The following FBXO36 variants were observed in gnomAD, a reference collection of about 807,000 sequenced individuals.
The protein encoded by FBXO36 is F-box protein 36.
Under a neutral mutation model 17.0 loss-of-function variants are expected in FBXO36, and 18 were observed. The ratio of observed to expected loss-of-function variants is 1.06; its 90% CI spans 0.73 to 1.57. FBXO36 has a LOEUF of 1.57. FBXO36 is among the 40% of genes most tolerant of loss of function. The probability of loss-of-function intolerance (pLI) is 0.00; values close to 1 mark genes in which losing one functional copy is unlikely to be tolerated. For synonymous variants in FBXO36, 83 were observed against 85.3 expected (o/e 0.97, Z 0.15); for missense variants, 229 against 221.9 (o/e 1.03, Z -0.20).
At chr2:229,962,341 T>G (rs1281322427) in intron 1 of FBXO36, among the ~76,000 whole-genome samples, 1 of 151,602 alleles carries the variant, frequency 6.6e-6, no homozygotes, top group Non-Finnish European at 1.5e-5. Context: ...CTTTTTTTCT[T>G]TTTTTTGAAA....
chr2:229,946,664 G>C (rs1002044838), intron 1 of FBXO36, among the ~76,000 whole-genome samples: 1 of 152,164 alleles, frequency 6.6e-6, no homozygotes, highest in African/African-American at 2.4e-5. Context: ...TGATAGAGGA[G>C]AGACAATTTC....
chr2:229,972,334 A>G (rs1472450639), intron 1 of FBXO36, among the ~76,000 whole-genome samples: 6 of 152,138 alleles, frequency 3.9e-5, no homozygotes, highest in South Asian at 4.1e-4. Flanking sequence ...ACTAGTAATT[A>G]GGAAAATCAA....
chr2:229,938,223 T>G (rs1049428420), intron 1 of FBXO36, among the ~76,000 whole-genome samples: 19 of 137,072 alleles, frequency 1.4e-4, no homozygotes, highest in South Asian at 2.4e-4. Context: ...TTTCTTTTTT[T>G]TTTTTTTTTT....
intron 1 of FBXO36, among the ~76,000 whole-genome samples, chr2:229,952,126 G>A (rs2077060808): frequency 6.6e-6 from 1 of 151,586 alleles, no homozygotes; most frequent in Non-Finnish European, 1.5e-5. Context: ...ATTTTAAATT[G>A]TATGTTTGAA....
chr2:229,987,675 GGCTGGA>G (rs2077276092), intron 2 of FBXO36, among the ~76,000 whole-genome samples: 1 of 151,762 alleles, frequency 6.6e-6, no homozygotes, highest in Admixed American at 6.6e-5. Context: ...CTGTCATCCA[GGCTGGA>G]GTGCAGTGGT....
intron 2 of FBXO36, among the ~76,000 whole-genome samples, chr2:229,978,949 G>A (rs1244671718): frequency 1.3e-5 from 2 of 151,972 alleles, no homozygotes; most frequent in Non-Finnish European, 2.9e-5. Flanking sequence ...GGCCCAGGTG[G>A]GTGGATCACC....
rs576707791 is a variant in FBXO36 at position 229,954,135 on chromosome 2, G to A, written c.97-22106G>A. 3.0e-4 allele frequency among the ~76,000 whole-genome samples: 46 copies of A among 151,768 alleles called. 1 individual carries two copies. The highest frequency in any genetic ancestry group is 1.0e-3 in the African/African-American group (42 of 41,436). ...CACATTGGCCTCTCAAAGTACTGGG[G>A]TTATAGGTGTGAGCTACCACACTCA... is the stretch of plus-strand genomic sequence containing the variant. On this transcript the variant is annotated intron_variant, in intron 1 of 3. Transcript: ENST00000283946.
intron 2 of FBXO36, among the ~76,000 whole-genome samples, chr2:229,982,620 A>T (rs1258899269): frequency 7.9e-5 from 12 of 151,720 alleles, no homozygotes; most frequent in Admixed American, 7.9e-4. Flanking sequence ...CAGCCTGGCC[A>T]ACATGGTGAA....
At chr2:229,941,554 C>T (rs898581399) in intron 1 of FBXO36, among the ~76,000 whole-genome samples, 2 of 150,654 alleles carry the variant, frequency 1.3e-5, no homozygotes, top group African/African-American at 2.4e-5. Flanking sequence ...AGAGGAAGCT[C>T]GAAGTGGCCA....
In FBXO36 at chr2:230,012,921, CTATG is replaced by C. The variant is rs767624925; in HGVS notation, c.*2041_*2044del. ...ACATAAATATGGCAATTTGAAAACA[CTATG>C]TATATACCTACTCACATATATATTA... On this transcript the variant is annotated 3_prime_UTR_variant, in exon 4 of 4. Transcript: ENST00000283946. 3 of 151,148 alleles carry C rather than the reference CTATG, an allele frequency of 2.0e-5. No homozygotes were observed. The highest frequency in any genetic ancestry group is 4.4e-5 in the Non-Finnish European group (3 of 67,784). 9.4% of individuals were successfully genotyped at this position (151,148 alleles called of 1,614,324 possible).
rs1389979186 is a variant in FBXO36 at position 229,988,838 on chromosome 2, T to TG, written c.206-7913_206-7912insG. On this transcript the variant is annotated intron_variant, in intron 2 of 3. Transcript: ENST00000283946. ...CCACCATGCTGGCCTGTTTTTTTTT[T>TG]TTTTTGTTTTTTTTTTTTTACCGCA... 9.4e-5 allele frequency among the ~76,000 whole-genome samples: 14 copies of TG among 149,566 alleles called. No individual in the cohort carries two copies. The East Asian group carries it at 1.6e-3, about 17-fold the overall frequency.
chr2:229,974,306 G>C (rs1010536221), intron 1 of FBXO36, among the ~76,000 whole-genome samples: 2 of 152,224 alleles, frequency 1.3e-5, no homozygotes, highest in Non-Finnish European at 2.9e-5. Flanking sequence ...GTTTCCTTAA[G>C]CAAGTGTTAT....
At chr2:229,976,587 G>T (rs1407232057) in intron 2 of FBXO36, 1 of 318,994 alleles carries the variant, frequency 3.1e-6, no homozygotes. Context: ...TTGGGAGGCC[G>T]AGGCGGGTGG....
At chr2:229,982,850 C>T (rs1282294436) in intron 2 of FBXO36, among the ~76,000 whole-genome samples, 1 of 151,792 alleles carries the variant, frequency 6.6e-6, no homozygotes, top group Admixed American at 6.6e-5. Context: ...GTGTGAGGTC[C>T]CATATTCACA....
intron 1 of FBXO36, among the ~76,000 whole-genome samples, chr2:229,933,356 TCACTC>T (rs772599515): frequency 4.0e-5 from 6 of 151,844 alleles, no homozygotes; most frequent in East Asian, 3.9e-4. Context: ...TCATACCACT[TCACTC>T]CAGCCTGAAC....
At chr2:229,963,874 G>T (rs2077137633) in intron 1 of FBXO36, among the ~76,000 whole-genome samples, 1 of 152,142 alleles carries the variant, frequency 6.6e-6, no homozygotes, top group African/African-American at 2.4e-5. Flanking sequence ...CATACATTTT[G>T]TACCACAGTG....
intron 1 of FBXO36, among the ~76,000 whole-genome samples, chr2:229,960,785 T>C (rs987462762): frequency 6.6e-6 from 1 of 152,204 alleles, no homozygotes; most frequent in African/African-American, 2.4e-5. Context: ...GAATTTATTT[T>C]TGAGTGTCGT....
rs117743489 is a variant in FBXO36, at chr2:229,947,457, G to A, written c.96+24848G>A. 2.4e-4 allele frequency among the ~76,000 whole-genome samples: 36 copies of A among 152,222 alleles called. No individual in the cohort carries two copies. The East Asian group carries it at 6.8e-3, about 29-fold the overall frequency. ...TGATGCTGAAGGAGAGATGGACAGG[G>A]GTCACTCCTTGGCCTTCTATGCCAC... is the stretch of plus-strand genomic sequence containing the variant. On this transcript the variant is annotated intron_variant, in intron 1 of 3. Transcript: ENST00000283946.
At chr2:230,005,215 C>T (rs2077380662) in intron 3 of FBXO36, among the ~76,000 whole-genome samples, 1 of 152,118 alleles carries the variant, frequency 6.6e-6, no homozygotes, top group African/African-American at 2.4e-5. Flanking sequence ...AATCCTCCCA[C>T]CTCAGCCTCT....
Sources: allele counts gnomAD v4.1 joint callset (sites outside exome capture counted in the v4.1 genomes callset), GRCh38; gene constraint gnomAD v4.1.1; transcripts MANE v1.5; gene names NCBI Gene and HGNC (gene_info 2026-07-23, HGNC 2026-07-21).